CAMTA1: variants seen among roughly 807,000 people sequenced by gnomAD.
The protein encoded by CAMTA1 is calmodulin-binding transcription activator 1.
CAMTA1 carries 27 observed loss-of-function variants against 170.9 expected under a neutral mutation model. The ratio of observed to expected loss-of-function variants is 0.16; its 90% confidence interval spans 0.12 to 0.22. CAMTA1 has a LOEUF of 0.22. Among genes scored for constraint, CAMTA1 ranks in the 10% least tolerant of loss-of-function variants. The probability of loss-of-function intolerance (pLI) is 1.00; values close to 1 mark genes in which losing one functional copy is unlikely to be tolerated. For missense variants in CAMTA1, 1,619 were observed against 2,217.2 expected (o/e 0.73, Z 5.42); for synonymous variants, 833 against 891.5 (o/e 0.93, Z 1.17).
chr1:7,072,022 A>G (rs1195297761), intron 3 of CAMTA1, among the ~76,000 whole-genome samples: 2 of 152,204 alleles, frequency 1.3e-5, no homozygotes, highest in Non-Finnish European at 2.9e-5. Context: ...CCTTCTTGGA[A>G]TCAAGGGCAA....
intron 5 of CAMTA1, among the ~76,000 whole-genome samples, chr1:7,257,586 G>A (rs111284547): frequency 6.6e-6 from 1 of 152,220 alleles, no homozygotes; most frequent in Non-Finnish European, 1.5e-5. Context: ...GGGTCTGTGC[G>A]TACTCTTGCT....
chr1:6,840,958 G>A (rs4908425), intron 3 of CAMTA1, among the ~76,000 whole-genome samples: 30,402 of 152,224 alleles, frequency 0.2, 3,616 homozygotes, highest in Non-Finnish European at 0.26. Flanking sequence ...CTGTAGGTCA[G>A]TCATCTGACA....
At chr1:7,229,182 C>T (rs1200320980) in intron 4 of CAMTA1, among the ~76,000 whole-genome samples, 1 of 151,652 alleles carries the variant, frequency 6.6e-6, no homozygotes, top group African/African-American at 2.4e-5. Context: ...TGAGAGAGCT[C>T]TAGGGGACAG....
Position 7,251,054 on chromosome 1 carries a change from C to G in CAMTA1, c.438+1428C>G, listed in dbSNP as rs1191555515. Reference sequence around the variant, plus strand: ...AGTGAGGCAAGGCTGGGTGGGGCCCCCGAACAACGAGGCTGCTCGCACCGG... The same window carrying G: ...AGTGAGGCAAGGCTGGGTGGGGCCCGCGAACAACGAGGCTGCTCGCACCGG... On this transcript the variant is annotated intron_variant, in intron 5 of 22. Transcript: ENST00000303635. The surrounding 1 kb of genome is among the most constrained non-coding windows in gnomAD (Gnocchi z 5.1). 6.6e-6 allele frequency among the ~76,000 whole-genome samples: 1 copy of G among 152,164 alleles called. No individual in the cohort carries two copies. Among genetic ancestry groups the G allele is most frequent in the East Asian group, 1.9e-4 (1 of 5,180 alleles).
At chr1:7,572,171 T>C (rs1457880625) in intron 6 of CAMTA1, among the ~76,000 whole-genome samples, 2 of 152,220 alleles carry the variant, frequency 1.3e-5, no homozygotes, top group African/African-American at 4.8e-5. Context: ...CTTTTGCCTA[T>C]GTTTTAACGG....
At chr1:7,507,946 A>G (rs1047631853) in intron 6 of CAMTA1, among the ~76,000 whole-genome samples, 5 of 152,242 alleles carry the variant, frequency 3.3e-5, no homozygotes, top group Admixed American at 2.6e-4. Context: ...TCCAAGCCCC[A>G]GGGCTTTGCC....
intron 3 of CAMTA1, among the ~76,000 whole-genome samples, chr1:6,870,358 A>C (rs1407948093): frequency 6.6e-6 from 1 of 152,186 alleles, no homozygotes; most frequent in Non-Finnish European, 1.5e-5. Flanking sequence ...TTAAAAAAAA[A>C]ACATTGTGTT....
chr1:7,030,533 A>G (rs1028462006), intron 3 of CAMTA1, among the ~76,000 whole-genome samples: 3 of 152,206 alleles, frequency 2.0e-5, no homozygotes, highest in African/African-American at 7.2e-5. Flanking sequence ...AAAAACTCAC[A>G]TTTTATCATT....
chr1:7,034,038 A>G (rs1703193454), intron 3 of CAMTA1, among the ~76,000 whole-genome samples: 2 of 152,146 alleles, frequency 1.3e-5, no homozygotes, highest in African/African-American at 4.8e-5. Flanking sequence ...TTTACCCACT[A>G]CTGAGGTAAA....
At chr1:7,076,523 A>C (rs1194962847) in intron 3 of CAMTA1, among the ~76,000 whole-genome samples, 1 of 152,156 alleles carries the variant, frequency 6.6e-6, no homozygotes, top group Non-Finnish European at 1.5e-5. Flanking sequence ...TTTCTAATAA[A>C]ATCTGAGGTT....
chr1:6,817,650 T>C (rs973348326), intron 1 of CAMTA1, among the ~76,000 whole-genome samples: 1 of 152,192 alleles, frequency 6.6e-6, no homozygotes, highest in African/African-American at 2.4e-5. Flanking sequence ...TTTTTTGTTT[T>C]TGTGTCAGGG....
At chr1:7,048,781 A>G (rs1174622162) in intron 3 of CAMTA1, among the ~76,000 whole-genome samples, 1 of 152,186 alleles carries the variant, frequency 6.6e-6, no homozygotes, top group Non-Finnish European at 1.5e-5. Flanking sequence ...AAGGACCTGC[A>G]GGTGTGTGCA....
At chr1:7,008,918 G>C (rs1271400722) in intron 3 of CAMTA1, among the ~76,000 whole-genome samples, 3 of 152,220 alleles carry the variant, frequency 2.0e-5, no homozygotes, top group Non-Finnish European at 4.4e-5. Flanking sequence ...TGTTAGAGAA[G>C]GAACTAAGGG....
At chr1:7,643,265 G>C (rs1422661600) in intron 7 of CAMTA1, among the ~76,000 whole-genome samples, 1 of 152,208 alleles carries the variant, frequency 6.6e-6, no homozygotes, top group South Asian at 2.1e-4. Flanking sequence ...ACTGGAAAAT[G>C]AGGGCCCCTT....
chr1:7,700,080 T>C (rs2096422145), intron 11 of CAMTA1, among the ~76,000 whole-genome samples: 1 of 152,074 alleles, frequency 6.6e-6, no homozygotes. Context: ...GCTTTTGATA[T>C]ATTTAAGAAA....
At chr1:7,764,904 G>A (rs2097006427) in intron 22 of CAMTA1, among the ~76,000 whole-genome samples, 1 of 151,606 alleles carries the variant, frequency 6.6e-6, no homozygotes, top group Non-Finnish European at 1.5e-5. Flanking sequence ...AAGTTGCAGT[G>A]AGCCGAGATC....
chr1:7,232,477 G>C (rs1663021832), intron 4 of CAMTA1, among the ~76,000 whole-genome samples: 1 of 152,260 alleles, frequency 6.6e-6, no homozygotes, highest in South Asian at 2.1e-4. Context: ...TTAATGCACA[G>C]AATTCCTATC....
At chr1:7,247,368 C>T (rs1216674125) in intron 4 of CAMTA1, among the ~76,000 whole-genome samples, 3 of 152,152 alleles carry the variant, frequency 2.0e-5, no homozygotes, top group Non-Finnish European at 2.9e-5. Context: ...GTGGGTCATA[C>T]CACTTACGAT....
intron 7 of CAMTA1, among the ~76,000 whole-genome samples, chr1:7,646,762 G>A (rs80340435): frequency 6.6e-6 from 1 of 151,050 alleles, no homozygotes; most frequent in African/African-American, 2.4e-5. Context: ...GTGGGGTGGA[G>A]GCCACAGTGA....
Sources: allele counts gnomAD v4.1 joint callset (sites outside exome capture counted in the v4.1 genomes callset), GRCh38; gene constraint gnomAD v4.1.1; non-coding constraint Gnocchi (gnomAD v3.1); transcripts MANE v1.5; gene names NCBI Gene and HGNC (gene_info 2026-07-23, HGNC 2026-07-21).